Variants in LRRC56 observed in about 807,000 individuals in gnomAD.
LRRC56 encodes leucine-rich repeat-containing protein 56.
LRRC56 carries 41 observed loss-of-function variants against 47.8 expected under a neutral mutation model. The observed-to-expected ratio is 0.86, with a 90% confidence interval of 0.67 to 1.11. The LOEUF is 1.11. Ranked by LOEUF, LRRC56 falls within the 50% of genes most tolerant of loss-of-function variation. The pLI is 0.00. For synonymous variants in LRRC56, 387 were observed against 311.2 expected, an observed-to-expected ratio of 1.24 and a Z score of -2.56; for missense variants, 759 against 704.2, an observed-to-expected ratio of 1.08 and a Z score of -0.88.
At chr11:511,856 C>A in the LRRC56 span, among the ~76,000 whole-genome samples, 6 of 152,184 alleles carry the variant, frequency 3.9e-5, no homozygotes, top group South Asian at 4.1e-4. Flanking sequence ...CAGCCACCCC[C>A]CACACACACA....
chr11:507,497 G>C, the LRRC56 span, among the ~76,000 whole-genome samples: 2 of 152,302 alleles, frequency 1.3e-5, no homozygotes, highest in South Asian at 2.1e-4. Context: ...GCGCGGGCGC[G>C]TGTGCGTGTT....
the LRRC56 span, among the ~76,000 whole-genome samples, chr11:507,471 G>C: frequency 6.6e-6 from 1 of 152,138 alleles, no homozygotes; most frequent in East Asian, 1.9e-4. Context: ...TTGGTGCCGG[G>C]GGCGGGGTCT....
the LRRC56 span, among the ~76,000 whole-genome samples, chr11:526,659 G>A: frequency 3.9e-5 from 6 of 152,208 alleles, no homozygotes; most frequent in African/African-American, 7.2e-5. Context: ...CTCAGTGGCC[G>A]GGCACGGTGG....
chr11:542,593 A>AAAAAAAAAAAAC (rs1851853246), intron 5 of LRRC56, among the ~76,000 whole-genome samples: 2 of 149,274 alleles, frequency 1.3e-5, no homozygotes, highest in African/African-American at 5.0e-5. Context: ...AAAAAAAAAA[A>AAAAAAAAAAAAC]AAAAAAAAAA....
the LRRC56 span, among the ~76,000 whole-genome samples, chr11:526,920 G>C: frequency 2.6e-5 from 4 of 151,150 alleles, no homozygotes; most frequent in Non-Finnish European, 5.9e-5. Flanking sequence ...CTGGGCGACA[G>C]AGCGAGACAC....
upstream of LRRC56, among the ~76,000 whole-genome samples, chr11:533,041 C>G (rs1213866426): frequency 6.6e-6 from 1 of 152,252 alleles, no homozygotes; most frequent in Non-Finnish European, 1.5e-5. Context: ...GCTCTCGACT[C>G]AGCTACGGCC....
chr11:549,697 C>T (rs911779575), intron 6 of LRRC56, among the ~76,000 whole-genome samples: 4 of 152,258 alleles, frequency 2.6e-5, no homozygotes, highest in African/African-American at 9.6e-5. Context: ...GGCAGCTCCC[C>T]AAGCCAGGCC....
the LRRC56 span, among the ~76,000 whole-genome samples, chr11:527,266 A>C: frequency 6.6e-6 from 1 of 152,156 alleles, no homozygotes; most frequent in African/African-American, 2.4e-5. Context: ...GCGCCACTGC[A>C]TGCCAGCCTG....
At chr11:525,339 A>G in the LRRC56 span, among the ~76,000 whole-genome samples, 1 of 152,134 alleles carries the variant, frequency 6.6e-6, no homozygotes, top group South Asian at 2.1e-4. Flanking sequence ...GGAGATCGAG[A>G]CCATCCTGGC....
chr11:508,242 T>G, the LRRC56 span, among the ~76,000 whole-genome samples: 1 of 152,220 alleles, frequency 6.6e-6, no homozygotes, highest in East Asian at 1.9e-4. Context: ...CCCAGCTCGC[T>G]GCAGCCTCCA....
the LRRC56 span, among the ~76,000 whole-genome samples, chr11:517,850 T>C: frequency 1.3e-5 from 2 of 152,268 alleles, no homozygotes; most frequent in Non-Finnish European, 2.9e-5. Flanking sequence ...CTTGGGATGC[T>C]GTTAATCTAT....
chr11:508,935 C>G, the LRRC56 span, among the ~76,000 whole-genome samples: 2 of 152,134 alleles, frequency 1.3e-5, no homozygotes, highest in Non-Finnish European at 2.9e-5. Context: ...ATCCCAGCTA[C>G]TCAGGAGGCT....
At position 552,788 on chromosome 11, in the gene LRRC56, G is replaced by C. The variant is rs11246182; in HGVS notation, c.1315+86G>C. 724,763 of 1,164,356 alleles carry C rather than the reference G, an allele frequency of 0.62. 227,156 individuals carry two copies. The highest frequency in any genetic ancestry group is 0.83 in the East Asian group (33,664 of 40,470). The allele number at this position is 1,164,356 out of a possible 1,614,324, so 72.1% of individuals were successfully genotyped here. A position where few individuals can be genotyped will look rare whatever the true frequency, so the allele number is the denominator to read the frequency against. ...GGGGGGCCCTTACCCCAGATCAGATGTGTCAACCTGGCCCTGCTTCCTCAG... is the reference window on the plus strand; with the variant it reads ...GGGGGGCCCTTACCCCAGATCAGATCTGTCAACCTGGCCCTGCTTCCTCAG... On this transcript the variant is annotated intron_variant, in intron 13 of 13. Transcript: ENST00000270115.
chr11:532,582 G>A (rs1400801941), upstream of LRRC56: 2 of 1,583,642 alleles, frequency 1.3e-6, no homozygotes, highest in East Asian at 2.3e-5. Flanking sequence ...GGGGCGGGGA[G>A]CCGGGGTCAT....
the LRRC56 span, chr11:528,805 C>G: frequency 6.5e-6 from 1 of 153,614 alleles, no homozygotes; most frequent in East Asian, 1.9e-4. Flanking sequence ...GTGGAGGACG[C>G]TGACTCCAGG....
the LRRC56 span, among the ~76,000 whole-genome samples, chr11:523,265 G>A: frequency 8.5e-6 from 1 of 117,030 alleles, no homozygotes; most frequent in African/African-American, 3.3e-5. Context: ...CCGAACTCAG[G>A]TGATTCGCTC....
At chr11:520,518 C>T in the LRRC56 span, among the ~76,000 whole-genome samples, 1 of 152,122 alleles carries the variant, frequency 6.6e-6, no homozygotes, top group Non-Finnish European at 1.5e-5. Flanking sequence ...GGGGTTTCAT[C>T]ATGTTGGCCA....
chr11:553,429 G>A (rs544873329), intron 13 of LRRC56, among the ~76,000 whole-genome samples: 36 of 152,212 alleles, frequency 2.4e-4, no homozygotes, highest in South Asian at 2.3e-3. Flanking sequence ...TCTGTGGAGG[G>A]GGCAGACAGA....
chr11:508,568 ACCAG>A, the LRRC56 span, among the ~76,000 whole-genome samples: 3 of 152,052 alleles, frequency 2.0e-5, no homozygotes, highest in Non-Finnish European at 2.9e-5. Flanking sequence ...GGAGTTCAAG[ACCAG>A]CCTGGCCAAC....
Sources: allele counts gnomAD v4.1 joint callset (sites outside exome capture counted in the v4.1 genomes callset), GRCh38; gene constraint gnomAD v4.1.1; transcripts MANE v1.5; gene names NCBI Gene and HGNC (gene_info 2026-07-23, HGNC 2026-07-21).